Variants in THRAP3 observed in about 807,000 individuals in gnomAD.
The protein encoded by THRAP3 is thyroid hormone receptor-associated protein 3.
In THRAP3, 16 loss-of-function variants were observed where a neutral mutation model predicts 101.0. The observed-to-expected ratio is 0.16, with a 90% CI of 0.11 to 0.24. The LOEUF (loss-of-function observed/expected upper bound fraction) is 0.24. Ranked by LOEUF, THRAP3 falls within the 10% of genes least tolerant of loss-of-function variation. THRAP3 has a pLI of 1.00. For synonymous variants in THRAP3, 407 were observed against 422.6 expected (o/e 0.96, Z 0.45); for missense variants, 989 against 1,202.7 (o/e 0.82, Z 2.63).
At chr1:36,211,534 T>C in the THRAP3 span, among the ~76,000 whole-genome samples, 1 of 152,118 alleles carries the variant, frequency 6.6e-6, no homozygotes, top group Admixed American at 6.6e-5. Flanking sequence ...CCAGACCCTG[T>C]CTCAAAACAA....
chr1:36,276,303 T>TCATG (rs1342938409), intron 2 of THRAP3, among the ~76,000 whole-genome samples: 4 of 142,762 alleles, frequency 2.8e-5, no homozygotes, highest in African/African-American at 1.1e-4. Flanking sequence ...GGCAGGCGGG[T>TCATG]CATGAGGTCA....
chr1:36,234,271 C>T (rs908234650), intron 1 of THRAP3, among the ~76,000 whole-genome samples: 5 of 152,138 alleles, frequency 3.3e-5, no homozygotes, highest in Non-Finnish European at 5.9e-5. Context: ...ACTGATAAGT[C>T]CCCTAATACC....
intron 1 of THRAP3, among the ~76,000 whole-genome samples, chr1:36,236,027 T>TCAC (rs2124374326): frequency 6.6e-6 from 1 of 151,980 alleles, no homozygotes; most frequent in East Asian, 1.9e-4. Context: ...GGTGGGCAGA[T>TCAC]TGTGAGGTCA....
intron 1 of THRAP3, among the ~76,000 whole-genome samples, chr1:36,233,544 G>T (rs1233724047): frequency 6.6e-6 from 1 of 151,282 alleles, no homozygotes; most frequent in African/African-American, 2.4e-5. Flanking sequence ...TTAAGGCTGG[G>T]CACAGTGGCT....
At chr1:36,220,536 G>C (rs1191511003), upstream of THRAP3, among the ~76,000 whole-genome samples, 1 of 152,104 alleles carries the variant, frequency 6.6e-6, no homozygotes, top group Non-Finnish European at 1.5e-5. Flanking sequence ...ATGTTGTGAA[G>C]GCTGGGTGCA....
rs1302457767 is a variant in THRAP3, at chr1:36,242,924, CTTATTTTATT to C, written c.-134-16450_-134-16441del. Among the ~76,000 whole-genome samples, 5 of 151,450 alleles carry C rather than the reference CTTATTTTATT, an allele frequency of 3.3e-5. No individual in the cohort carries two copies. The East Asian group carries it at 9.7e-4, about 29-fold the overall frequency. ...CACAGTTAGTGTTTTTTTTTAATTG[CTTATTTTATT>C]TTATTTTGAGATAGACTGGGCATGG... On this transcript the variant is annotated intron_variant, in intron 1 of 11. Transcript: ENST00000354618.
At chr1:36,224,985 A>G (rs1644945560) in intron 1 of THRAP3, 1 of 152,184 alleles carries the variant, frequency 6.6e-6, no homozygotes, top group African/African-American at 2.4e-5. Context: ...GTGGCCAAAA[A>G]CGGGATAGTC....
rs1376750283 is a variant in THRAP3, at chr1:36,275,610, CT to C, written c.-31-6911del. On this transcript the variant is annotated intron_variant, in intron 2 of 11. Coordinates refer to ENST00000354618, the MANE Select transcript of THRAP3 (RefSeq NM_005119.4). ...TCAAAAAAAAAAAAAAAAAAGTCTTCTTTTTTTTTTTTCTTTTGAGATGGAG... is the reference window on the plus strand; with the variant it reads ...TCAAAAAAAAAAAAAAAAAAGTCTTCTTTTTTTTTTTCTTTTGAGATGGAG... 5.8e-3 allele frequency among the ~76,000 whole-genome samples: 791 copies of C among 136,666 alleles called. 13 individuals are homozygous for C. Among genetic ancestry groups the C allele is most frequent in the African/African-American group, 0.018 (671 of 37,710 alleles). The allele number at this position is 136,666 out of a possible 152,430, so 89.7% of individuals were successfully genotyped here.
In THRAP3 at chr1:36,287,178, T is replaced by C; in HGVS notation, c.948T>C (p.Pro316=). 6.2e-7 allele frequency: 1 copy of C among 1,614,172 alleles called. No individual in the cohort carries two copies. The highest frequency in any genetic ancestry group is 8.5e-7 in the Non-Finnish European group (1 of 1,180,018). ...SGSLSPSKKS[P]VGKSPPSTGS... is the part of the protein sequence containing the mutation. ...CCCTGAGTCCATCCAAAAAGAGCCCTGTGGGTAAGAGTCCACCATCCACTG... is the reference window on the plus strand; with the variant it reads ...CCCTGAGTCCATCCAAAAAGAGCCCCGTGGGTAAGAGTCCACCATCCACTG... The change falls in exon 4 of 12, where the codon CCT becomes CCC. Residue 316 remains proline, a synonymous_variant. Transcript: ENST00000354618.
chr1:36,237,561 A>G (rs1645105655), intron 1 of THRAP3, among the ~76,000 whole-genome samples: 2 of 151,808 alleles, frequency 1.3e-5, no homozygotes, highest in African/African-American at 4.8e-5. Flanking sequence ...ACTTGAGGTC[A>G]GGAGTTCAAG....
At chr1:36,226,400 C>T (rs1644962798) in intron 1 of THRAP3, among the ~76,000 whole-genome samples, 1 of 152,154 alleles carries the variant, frequency 6.6e-6, no homozygotes, top group Non-Finnish European at 1.5e-5. Flanking sequence ...GCTGGGATTA[C>T]AGGTGTGTGT....
chr1:36,292,261 TTTC>T (rs1313253588), intron 6 of THRAP3, among the ~76,000 whole-genome samples: 12,840 of 33,884 alleles, frequency 0.38, 4,493 homozygotes, highest in Non-Finnish European at 0.52. Context: ...TGTTTCTTTG[TTTC>T]TTTTTTTTTT....
intron 1 of THRAP3, among the ~76,000 whole-genome samples, chr1:36,237,835 G>A (rs1645109951): frequency 6.6e-6 from 1 of 151,998 alleles, no homozygotes; most frequent in African/African-American, 2.4e-5. Flanking sequence ...GTGTGTGTGT[G>A]TTTTTGGAGA....
chr1:36,224,998 A>G (rs17439489), intron 1 of THRAP3: 12,806 of 152,204 alleles, frequency 0.084, 758 homozygotes, highest in Middle Eastern at 0.23. Flanking sequence ...GGATAGTCCA[A>G]ATTTGTCTCC....
At chr1:36,242,117 AG>A (rs1283855445) in intron 1 of THRAP3, 1 of 185,686 alleles carries the variant, frequency 5.4e-6, no homozygotes, top group Non-Finnish European at 1.2e-5. Context: ...CTGGGTATTT[AG>A]GTCTACATTC....
At chr1:36,211,610 A>T in the THRAP3 span, among the ~76,000 whole-genome samples, 2 of 152,306 alleles carry the variant, frequency 1.3e-5, no homozygotes, top group East Asian at 3.9e-4. Context: ...CCGCTAGACT[A>T]GGGTATTCCT....
At chr1:36,284,483 T>G (rs935197830) in intron 3 of THRAP3, among the ~76,000 whole-genome samples, 1 of 152,224 alleles carries the variant, frequency 6.6e-6, no homozygotes, top group Non-Finnish European at 1.5e-5. Flanking sequence ...TGTTTCATGG[T>G]TTTTTCTTTT....
intron 2 of THRAP3, among the ~76,000 whole-genome samples, chr1:36,270,104 A>G (rs1645568592): frequency 6.6e-6 from 1 of 152,118 alleles, no homozygotes; most frequent in African/African-American, 2.4e-5. Context: ...AATAAAATAA[A>G]CAGGCTGGGC....
At chr1:36,270,607 C>T (rs1411316602) in intron 2 of THRAP3, among the ~76,000 whole-genome samples, 6 of 106,934 alleles carry the variant, frequency 5.6e-5, no homozygotes, top group Admixed American at 1.2e-4. Flanking sequence ...GACGGAGTTT[C>T]GCTCTTGTTG....
Sources: gnomAD v4.1 joint callset for allele counts (sites outside exome capture counted in the v4.1 genomes callset) on GRCh38, gnomAD v4.1.1 for gene constraint, MANE v1.5 for transcripts, NCBI Gene and HGNC (gene_info 2026-07-23, HGNC 2026-07-21) for gene names.